The following GRIK1 variants were observed in gnomAD, a reference collection of about 807,000 sequenced individuals.
GRIK1 encodes the protein glutamate receptor ionotropic, kainate 1.
In GRIK1, 69 loss-of-function variants were observed where a neutral mutation model predicts 105.7. That is an observed-to-expected ratio of 0.65 (90% CI 0.54 to 0.80). The LOEUF is 0.80. Ranked by LOEUF, GRIK1 falls within the 30% of genes least tolerant of loss-of-function variation. The pLI, the probability that GRIK1 is intolerant of heterozygous loss-of-function variation, is 0.00. For missense variants in GRIK1, 1,109 were observed against 1,167.3 expected (o/e 0.95, Z 0.73); for synonymous variants, 438 against 431.3 (o/e 1.02, Z -0.19).
chr21:29,847,023 A>G (rs1295724121), intron 1 of GRIK1, among the ~76,000 whole-genome samples: 1 of 150,742 alleles, frequency 6.6e-6, no homozygotes, highest in Admixed American at 6.6e-5. Context: ...TCGACCTCCT[A>G]CTCTCTTCTC....
Position 29,561,743 on chromosome 21 carries a change from G to A in GRIK1, c.2237C>T (p.Thr746Ile), listed in dbSNP as rs1381364062. The A allele has an allele frequency of 6.2e-7, 1 of 1,613,680 alleles. No homozygotes were observed. Among genetic ancestry groups the A allele is most frequent in the Non-Finnish European group, 8.5e-7 (1 of 1,179,696 alleles). Reference sequence around the variant, plus strand: ...GGACTCCATCAGCAGCGCGTAGTCTGTGGTGAGCACTCTCTGGATCCCCTC... The same window carrying A: ...GGACTCCATCAGCAGCGCGTAGTCTATGGTGAGCACTCTCTGGATCCCCTC... ...SDEGIQRVLT[T>I]DYALLMESTS... Residue 746 changes from threonine to isoleucine, a missense_variant, in exon 15 of 18, where the codon ACA becomes ATA. By Grantham distance (89) the Thr-to-Ile change is moderately conservative. Around this residue, in one of 5 missense-constraint regions of GRIK1, gnomAD observed 264 missense variants for 306.9 expected, o/e 0.86. Coordinates refer to ENST00000327783, the MANE Select transcript of GRIK1 (RefSeq NM_001330994.2).
At chr21:29,784,741 C>A (rs925117216) in intron 1 of GRIK1, among the ~76,000 whole-genome samples, 2 of 152,044 alleles carry the variant, frequency 1.3e-5, no homozygotes, top group Non-Finnish European at 2.9e-5. Flanking sequence ...TCTAATAATG[C>A]CTTAAATGTT....
chr21:29,848,779 A>ATATATATAT lies in GRIK1; in HGVS notation c.118+90603_118+90604insATATATATA. Among the ~76,000 whole-genome samples the ATATATATAT allele has an allele frequency of 1.1e-3, 83 of 77,860 alleles. 1 individual carries two copies. Among genetic ancestry groups the ATATATATAT allele is most frequent in the South Asian group, 2.1e-3 (4 of 1,868 alleles). 51.1% of individuals were successfully genotyped at this position (77,860 alleles called of 152,430 possible). A position where few individuals can be genotyped will look rare whatever the true frequency, so the allele number is the denominator to read the frequency against. On this transcript the variant is annotated intron_variant, in intron 1 of 17. Coordinates refer to ENST00000327783, the MANE Select transcript of GRIK1 (RefSeq NM_001330994.2). ...TGTATATATATATATATATATATAT[A>ATATATATAT]TTTTTTTTTTTTTCCACGATCTTCA...
intron 1 of GRIK1, among the ~76,000 whole-genome samples, chr21:29,736,881 G>A (rs912444705): frequency 1.8e-4 from 27 of 151,854 alleles, no homozygotes; most frequent in Non-Finnish European, 1.0e-4. Context: ...GTTTCACCAT[G>A]TTGGTCAGGC....
chr21:29,785,666 T>C (rs543659586), intron 1 of GRIK1, among the ~76,000 whole-genome samples: 2 of 152,218 alleles, frequency 1.3e-5, no homozygotes, highest in East Asian at 3.9e-4. Flanking sequence ...AAGTGCGTGT[T>C]CCTTATGTGA....
rs1365201099 is a variant in GRIK1, at chr21:29,577,033, A to G, written c.2061T>C (p.Asp687=). ...ERMESPIDSA[D]DLAKQTKIEY... is the part of the protein sequence containing the mutation. ...CTATCTTGGTTTGCTTTGCCAGATC[A>G]TCTGCCGAATCTATGGGGGATTCCA... The change falls in exon 14 of 18, where the codon GAT becomes GAC. Residue 687 remains aspartate (D), a synonymous_variant. Transcript: ENST00000327783. The G allele has an allele frequency of 1.2e-6, 2 of 1,613,888 alleles. No homozygotes were observed. The highest frequency in any genetic ancestry group is 1.1e-5 in the South Asian group (1 of 91,080).
At chr21:29,683,078 A>G (rs1190623411) in intron 3 of GRIK1, among the ~76,000 whole-genome samples, 1 of 152,236 alleles carries the variant, frequency 6.6e-6, no homozygotes, top group African/African-American at 2.4e-5. Context: ...GAAAACTACA[A>G]GACACCATCT....
chr21:29,563,008 A>AT lies in GRIK1; in HGVS notation c.2131-1160dup, dbSNP rs1008411354. Reference sequence around the variant, plus strand: ...ACTCTGTAATTTCCATACAGTTCCAATTTTTTTTTTTAATTTTTCTTCATT... The same window carrying AT: ...ACTCTGTAATTTCCATACAGTTCCAATTTTTTTTTTTTAATTTTTCTTCATT... On this transcript the variant is annotated intron_variant, in intron 14 of 17. Transcript: ENST00000327783. 5.1e-3 allele frequency among the ~76,000 whole-genome samples: 756 copies of AT among 148,624 alleles called. 3 individuals are homozygous for AT. Among genetic ancestry groups the AT allele is most frequent in the Non-Finnish European group, 7.3e-3 (491 of 66,814 alleles).
At chr21:29,809,462 T>A (rs573856812) in intron 1 of GRIK1, among the ~76,000 whole-genome samples, 1 of 152,212 alleles carries the variant, frequency 6.6e-6, no homozygotes, top group Non-Finnish European at 1.5e-5. Context: ...CAAGTTGTAA[T>A]CTTTTTGCTG....
At chr21:29,711,535 C>A (rs1181013886) in intron 1 of GRIK1, among the ~76,000 whole-genome samples, 3 of 151,898 alleles carry the variant, frequency 2.0e-5, no homozygotes, top group Admixed American at 2.0e-4. Flanking sequence ...ACCAAGGAAT[C>A]TGTTTGTCTT....
chr21:29,684,546 C>G (rs113628239), intron 3 of GRIK1, among the ~76,000 whole-genome samples: 1 of 151,544 alleles, frequency 6.6e-6, no homozygotes, highest in Non-Finnish European at 1.5e-5. Flanking sequence ...TTTGCTCAGA[C>G]GCCCAGGCTG....
chr21:29,636,594 G>A (rs140569762), intron 7 of GRIK1, among the ~76,000 whole-genome samples: 1 of 152,298 alleles, frequency 6.6e-6, no homozygotes, highest in East Asian at 1.9e-4. Flanking sequence ...GAGGTGACTG[G>A]ATGAATTTAA....
chr21:29,730,343 AG>A (rs1466128251), intron 1 of GRIK1, among the ~76,000 whole-genome samples: 2 of 152,212 alleles, frequency 1.3e-5, no homozygotes, highest in Non-Finnish European at 2.9e-5. Context: ...CATGCAAAAC[AG>A]GATAAGCAGA....
chr21:29,924,701 A>G (rs1169030012), intron 1 of GRIK1, among the ~76,000 whole-genome samples: 3 of 152,100 alleles, frequency 2.0e-5, no homozygotes. Flanking sequence ...GTCATTATTT[A>G]AAACTATTTG....
intron 4 of GRIK1, among the ~76,000 whole-genome samples, chr21:29,668,711 A>T (rs1230492412): frequency 6.6e-6 from 1 of 152,248 alleles, no homozygotes; most frequent in East Asian, 1.9e-4. Flanking sequence ...GTACAAGTTG[A>T]GAATTCCATA....
chr21:29,760,275 T>C (rs983347538), intron 1 of GRIK1: 1 of 152,264 alleles, frequency 6.6e-6, no homozygotes, highest in African/African-American at 2.4e-5. Context: ...GTCGTCAGAG[T>C]ATATGCGCTG....
At chr21:29,628,506 T>C (rs535345283) in intron 7 of GRIK1, among the ~76,000 whole-genome samples, 1 of 152,242 alleles carries the variant, frequency 6.6e-6, no homozygotes, top group African/African-American at 2.4e-5. Flanking sequence ...GTCTATGCCA[T>C]GTACTCTGGG....
chr21:29,837,700 T>C (rs146420014), intron 1 of GRIK1, among the ~76,000 whole-genome samples: 2 of 152,328 alleles, frequency 1.3e-5, no homozygotes, highest in African/African-American at 4.8e-5. Context: ...AATACATTTG[T>C]TTATAAATAT....
At chr21:29,624,773 C>T (rs1012328035) in intron 7 of GRIK1, among the ~76,000 whole-genome samples, 4 of 152,224 alleles carry the variant, frequency 2.6e-5, no homozygotes, top group African/African-American at 9.6e-5. Context: ...GACTAAAGCC[C>T]AGGCTGGGGG....
Sources: allele counts gnomAD v4.1 joint callset (sites outside exome capture counted in the v4.1 genomes callset), GRCh38; gene constraint gnomAD v4.1.1; regional missense constraint gnomAD v4.1.1; transcripts MANE v1.5; gene names NCBI Gene and HGNC (gene_info 2026-07-23, HGNC 2026-07-21).